Variants in PPP2R2C observed in about 807,000 individuals in gnomAD.
PPP2R2C encodes the protein protein phosphatase 2, regulatory subunit B, gamma.
In PPP2R2C, 10 loss-of-function variants were observed where a neutral mutation model predicts 45.3. That is an observed-to-expected ratio of 0.22 (90% confidence interval 0.14 to 0.37). The LOEUF (loss-of-function observed/expected upper bound fraction) is 0.37, where lower values mean the gene tolerates loss of function less well. Among genes scored for constraint, PPP2R2C ranks in the 10% least tolerant of loss-of-function variants. The probability of loss-of-function intolerance (pLI) is 1.00; values close to 1 mark genes in which losing one functional copy is unlikely to be tolerated. For missense variants in PPP2R2C, 308 were observed against 619.7 expected (o/e 0.50, Z 5.34); for synonymous variants, 257 against 245.4 (o/e 1.05, Z -0.44).
chr4:6,423,847 T>A (rs995739472), intron 1 of PPP2R2C, among the ~76,000 whole-genome samples: 1 of 152,192 alleles, frequency 6.6e-6, no homozygotes, highest in African/African-American at 2.4e-5. Context: ...AGTAGGGCCA[T>A]GGAAAGGAGT....
At chr4:6,326,707 A>G (rs1398254013) in intron 8 of PPP2R2C, among the ~76,000 whole-genome samples, 1 of 152,238 alleles carries the variant, frequency 6.6e-6, no homozygotes, top group African/African-American at 2.4e-5. Flanking sequence ...TTCCTCAAGC[A>G]CACGGTGGCG....
At chr4:6,472,045 TGGGGC>T in intron 1 of PPP2R2C, 110 bp downstream of exon 1, 3 of 1,019,048 alleles carry the variant, frequency 2.9e-6, no homozygotes, top group South Asian at 1.6e-5. Flanking sequence ...TGGGGTGGGG[TGGGGC>T]GGGGGGACAC....
chr4:6,562,438 G>T (rs1037777430), intron 1 of PPP2R2C, among the ~76,000 whole-genome samples: 63 of 148,844 alleles, frequency 4.2e-4, no homozygotes, highest in African/African-American at 1.4e-3. Flanking sequence ...ATCCTATAAT[G>T]GGGATAATGT....
At chr4:6,361,708 T>C (rs977390661) in intron 5 of PPP2R2C, among the ~76,000 whole-genome samples, 9 of 152,188 alleles carry the variant, frequency 5.9e-5, no homozygotes, top group Admixed American at 3.9e-4. Context: ...CTGTGGTGAA[T>C]GGCATGCCTT....
At chr4:6,445,024 A>G (rs1720345243) in intron 1 of PPP2R2C, among the ~76,000 whole-genome samples, 1 of 152,110 alleles carries the variant, frequency 6.6e-6, no homozygotes. Flanking sequence ...AACTCTACAA[A>G]AAAAAAATAC....
At chr4:6,452,064 G>A (rs1461968003) in intron 1 of PPP2R2C, among the ~76,000 whole-genome samples, 3 of 152,092 alleles carry the variant, frequency 2.0e-5, no homozygotes, top group Non-Finnish European at 2.9e-5. Flanking sequence ...CCCCTCCTCT[G>A]CCCCAGAGTG....
intron 5 of PPP2R2C, among the ~76,000 whole-genome samples, chr4:6,371,707 A>C (rs1714840688): frequency 6.6e-6 from 1 of 152,200 alleles, no homozygotes; most frequent in Non-Finnish European, 1.5e-5. Flanking sequence ...CCTCATCTGT[A>C]AAGGAGACTT....
At position 6,563,485 on chromosome 4, in the gene PPP2R2C, G is replaced by A. The variant is rs1307825569; in HGVS notation, c.-59+75C>T. 2 of 152,924 alleles carry A rather than the reference G, an allele frequency of 1.3e-5. No individual in the cohort carries two copies. Among genetic ancestry groups the A allele is most frequent in the East Asian group, 1.9e-4 (1 of 5,192 alleles). The allele number at this position is 152,924 out of a possible 1,614,324, so 9.5% of individuals were successfully genotyped here. On this transcript the variant is annotated intron_variant, in intron 1 of 9. Transcript: ENST00000506140. The surrounding 1 kb of genome is among the most constrained non-coding windows in gnomAD (Gnocchi z 5.8). ...CCCCGGGCAGGGTGAGGTCCTGCGG[G>A]GCTGGGGGTGAGGCGGGGTGGGCGC...
intron 1 of PPP2R2C, chr4:6,381,456 C>A (rs1207418918): frequency 5.1e-6 from 7 of 1,370,636 alleles, no homozygotes; most frequent in Non-Finnish European, 5.7e-6. Context: ...CCCACACCTA[C>A]CCCTGCCACC....
intron 1 of PPP2R2C, among the ~76,000 whole-genome samples, chr4:6,399,797 C>T (rs1219181068): frequency 6.6e-6 from 1 of 152,202 alleles, no homozygotes; most frequent in African/African-American, 2.4e-5. Flanking sequence ...AATTCAGCAG[C>T]CTGAAAATCA....
At position 6,375,876 on chromosome 4, in the gene PPP2R2C, G is replaced by A; in HGVS notation, c.390C>T (p.Tyr130=). The change falls in exon 4 of 9, where the codon TAC becomes TAT. Residue 130 remains tyrosine (Y), a synonymous_variant. Coordinates refer to ENST00000382599, the MANE Select transcript of PPP2R2C (RefSeq NM_020416.4). ...GTTTCCCCTCTTCATCCTTCAGGTT[G>A]TATCCTTCGGGCCTTTTATCTCGTT... The part of the protein sequence containing the change: ...ITERDKRPEG[Y]NLKDEEGKLK... The A allele has an allele frequency of 6.2e-7, 1 of 1,614,182 alleles. No homozygotes were observed. Among genetic ancestry groups the A allele is most frequent in the South Asian group, 1.1e-5 (1 of 91,076 alleles).
At position 6,331,291 on chromosome 4, in the gene PPP2R2C, G is replaced by A. The variant is rs939196318; in HGVS notation, c.961-1938C>T. Among the ~76,000 whole-genome samples, 1 of 152,112 alleles carries A rather than the reference G, an allele frequency of 6.6e-6. No homozygotes were observed. The highest frequency in any genetic ancestry group is 2.4e-5 in the African/African-American group (1 of 41,422). ...TCAATCTAAGGTCCGCTGCTTGCTG[G>A]CTCTGTCACAGATTTGCCATTTAAC... On this transcript the variant is annotated intron_variant, in intron 7 of 8. Transcript: ENST00000382599. The surrounding 1 kb of genome is among the most constrained non-coding windows in gnomAD (Gnocchi z 5.9).
At chr4:6,421,042 T>C in intron 1 of PPP2R2C, 1 of 985,090 alleles carries the variant, frequency 1.0e-6, no homozygotes, top group Non-Finnish European at 1.2e-6. Context: ...GTGCTTTGTG[T>C]GCACCCTTCT....
intron 2 of PPP2R2C, among the ~76,000 whole-genome samples, chr4:6,511,830 G>A (rs1005201307): frequency 1.0e-5 from 1 of 95,352 alleles, no homozygotes; most frequent in Non-Finnish European, 2.3e-5. Context: ...TGGTGGTGGT[G>A]GTGGTGATGG....
At chr4:6,544,955 A>AT (rs563090373) in intron 1 of PPP2R2C, among the ~76,000 whole-genome samples, 9 of 152,082 alleles carry the variant, frequency 5.9e-5, no homozygotes, top group South Asian at 2.1e-4. Flanking sequence ...GATTTCTTAA[A>AT]TTTTTTTTTA....
chr4:6,540,335 C>G (rs1009095098), intron 1 of PPP2R2C, among the ~76,000 whole-genome samples: 3 of 152,226 alleles, frequency 2.0e-5, no homozygotes, highest in African/African-American at 7.2e-5. Context: ...TTGTGTCTGG[C>G]TTCTTTCACT....
At chr4:6,325,808 AGCCTCATCT>A (rs1385062682) in intron 8 of PPP2R2C, among the ~76,000 whole-genome samples, 1 of 152,178 alleles carries the variant, frequency 6.6e-6, no homozygotes, top group South Asian at 2.1e-4. Flanking sequence ...CACCTCTCCT[AGCCTCATCT>A]GCATGTGGGA....
chr4:6,324,676 G>A lies in PPP2R2C; in HGVS notation c.1053-1083C>T, dbSNP rs112578251. Among the ~76,000 whole-genome samples the A allele has an allele frequency of 7.2e-3, 1,094 of 152,310 alleles. 15 individuals carry two copies. The highest frequency in any genetic ancestry group is 0.024 in the African/African-American group (1,018 of 41,566). ...GAGCAGTGCTGACGTGCAGGGGCTC[G>A]CTGCCCTCACCGTCCCGCTAAAGAG... On this transcript the variant is annotated intron_variant, in intron 8 of 8. Transcript: ENST00000382599. The surrounding 1 kb of genome is among the most constrained non-coding windows in gnomAD (Gnocchi z 4.1).
intron 2 of PPP2R2C, among the ~76,000 whole-genome samples, chr4:6,509,503 A>T (rs1244195059): frequency 6.6e-6 from 1 of 152,210 alleles, no homozygotes; most frequent in Non-Finnish European, 1.5e-5. Context: ...ATAAGTGAGG[A>T]GGTAAACCTT....
Sources: gnomAD v4.1 joint callset for allele counts (sites outside exome capture counted in the v4.1 genomes callset) on GRCh38, gnomAD v4.1.1 for gene constraint, Gnocchi (gnomAD v3.1) non-coding constraint, MANE v1.5 for transcripts, NCBI Gene and HGNC (gene_info 2026-07-23, HGNC 2026-07-21) for gene names.